TMEM156: variants seen among roughly 807,000 people sequenced by gnomAD.
TMEM156 encodes transmembrane protein 156.
Under a neutral mutation model 30.5 loss-of-function variants are expected in TMEM156, and 28 were observed. That is an observed-to-expected ratio of 0.92 (90% CI 0.68 to 1.26). The LOEUF (loss-of-function observed/expected upper bound fraction) is 1.26. Ranked by LOEUF, TMEM156 falls within the 50% of genes most tolerant of loss-of-function variation. The pLI, the probability that TMEM156 is intolerant of heterozygous loss-of-function variation, is 0.00. For missense variants in TMEM156, 351 were observed against 340.6 expected, an observed-to-expected ratio of 1.03 and a Z score of -0.24; for synonymous variants, 137 against 119.9, an observed-to-expected ratio of 1.14 and a Z score of -0.93.
intron 1 of TMEM156, among the ~76,000 whole-genome samples, chr4:39,004,427 G>A (rs972664713): frequency 4.6e-5 from 7 of 151,934 alleles, no homozygotes; most frequent in African/African-American, 2.4e-5. Flanking sequence ...AATGTATTGT[G>A]CCAGTTAAAT....
chr4:38,989,765 C>T (rs1712281543), intron 3 of TMEM156, among the ~76,000 whole-genome samples: 1 of 151,176 alleles, frequency 6.6e-6, no homozygotes, highest in Admixed American at 6.6e-5. Flanking sequence ...TCTACTGACT[C>T]ATTTTTTATT....
At chr4:38,989,079 G>C in intron 3 of TMEM156, 109 bp from the exon 4 acceptor site, 1 of 1,121,216 alleles carries the variant, frequency 8.9e-7, no homozygotes, top group Non-Finnish European at 1.3e-6. Context: ...GAATTGAAAA[G>C]CTGAAATTAT....
chr4:39,009,121 T>G (rs1713937624), intron 1 of TMEM156, among the ~76,000 whole-genome samples: 1 of 151,974 alleles, frequency 6.6e-6, no homozygotes, highest in South Asian at 2.1e-4. Flanking sequence ...GACTACTATC[T>G]CTGCATACAA....
chr4:38,988,514 G>A lies in TMEM156; in HGVS notation c.739+337C>T, dbSNP rs138034523. 4.2e-3 allele frequency among the ~76,000 whole-genome samples: 640 copies of A among 152,314 alleles called. 6 individuals carry two copies. Among genetic ancestry groups the A allele is most frequent in the African/African-American group, 0.014 (601 of 41,572 alleles). ...CCCAAGGTGCTGGGATTACAGGCAT[G>A]AGTCACCGCGCTCGGCCTGAAATTC... is the stretch of plus-strand genomic sequence containing the variant. On this transcript the variant is annotated intron_variant, in intron 4 of 6. Coordinates refer to ENST00000381938, the MANE Select transcript of TMEM156 (RefSeq NM_024943.3).
In TMEM156 at chr4:39,015,756, T is replaced by A. The variant is rs1053902231; in HGVS notation, c.88+16470A>T. Among the ~76,000 whole-genome samples the A allele has an allele frequency of 2.6e-5, 4 of 152,160 alleles. No individual in the cohort carries two copies. In the South Asian group the frequency reaches 6.2e-4, roughly 24 times the overall value. ...TAGCTCTCATAACTCCCTCATGTTG[T>A]GGGAGGGACCCAGTGGGAGATAATT... On this transcript the variant is annotated intron_variant, in intron 1 of 6. Coordinates refer to ENST00000381938, the MANE Select transcript of TMEM156 (RefSeq NM_024943.3).
At chr4:39,023,251 CTGT>C (rs1714985884) in intron 1 of TMEM156, among the ~76,000 whole-genome samples, 2 of 152,212 alleles carry the variant, frequency 1.3e-5, no homozygotes, top group Admixed American at 1.3e-4. Flanking sequence ...ACTGTGAAGG[CTGT>C]TGTTTACAAG....
Position 38,990,830 on chromosome 4 carries a change from G to GTTTTTTTTT in TMEM156, c.620-1869_620-1861dup, listed in dbSNP as rs71304784. 1.6e-4 allele frequency among the ~76,000 whole-genome samples: 13 copies of GTTTTTTTTT among 81,226 alleles called. 1 individual carries two copies. The highest frequency in any genetic ancestry group is 1.8e-4 in the African/African-American group (4 of 21,652). The allele number at this position is 81,226 out of a possible 152,430, so 53.3% of individuals were successfully genotyped here. On this transcript the variant is annotated intron_variant, in intron 3 of 6. Transcript: ENST00000381938. ...CTTTGTTTTTTTGGTTTGTTTTCTGGTTTTTTTTTTTTTTTTTTTTTTTGA... is the reference window on the plus strand; with the variant it reads ...CTTTGTTTTTTTGGTTTGTTTTCTGGTTTTTTTTTTTTTTTTTTTTTTTTTTTTTTTTGA...
intron 5 of TMEM156, among the ~76,000 whole-genome samples, chr4:38,973,149 A>T (rs1722690609): frequency 6.6e-6 from 1 of 152,202 alleles, no homozygotes; most frequent in South Asian, 2.1e-4. Context: ...TCCCAATACC[A>T]GTCAGTTTGT....
chr4:39,032,298 G>T lies in TMEM156; in HGVS notation c.16C>A (p.Leu6Ile), dbSNP rs768010165. Reference sequence around the variant, plus strand: ...ACTATTGCCACAAATAATTTAAGGAGGGCTGTTTTTGTCATGTCTCTTCAC... The same window carrying T: ...ACTATTGCCACAAATAATTTAAGGATGGCTGTTTTTGTCATGTCTCTTCAC... The part of the protein sequence containing the change: MTKTA[L>I]LKLFVAIVIT... The change falls in exon 1 of 7, where the codon CTC (leucine) becomes ATC (isoleucine). Residue 6 changes from leucine (L) to isoleucine (I), a missense_variant. Leu to Ile is a conservative substitution (Grantham distance 5). Transcript: ENST00000381938. 121 of 1,608,584 alleles carry T rather than the reference G, an allele frequency of 7.5e-5. 2 individuals are homozygous for T. The South Asian group carries it at 9.9e-4, about 13-fold the overall frequency.
intron 1 of TMEM156, among the ~76,000 whole-genome samples, chr4:39,002,204 C>T (rs2109990997): frequency 6.7e-6 from 1 of 149,598 alleles, no homozygotes; most frequent in East Asian, 2.0e-4. Context: ...ACAAACAACC[C>T]CATCAAAAAG....
At chr4:38,987,673 A>T (rs1181750178) in intron 4 of TMEM156, among the ~76,000 whole-genome samples, 1 of 152,222 alleles carries the variant, frequency 6.6e-6, no homozygotes, top group Non-Finnish European at 1.5e-5. Context: ...TATGCACTAG[A>T]CACTGTGGTA....
intron 1 of TMEM156, among the ~76,000 whole-genome samples, chr4:39,004,623 A>G (rs546534686): frequency 6.6e-6 from 1 of 152,246 alleles, no homozygotes; most frequent in Admixed American, 6.5e-5. Context: ...TGTTTTAGTC[A>G]TGTTGATACA....
intron 5 of TMEM156, among the ~76,000 whole-genome samples, chr4:38,971,878 C>T (rs1321573767): frequency 1.3e-5 from 2 of 152,072 alleles, no homozygotes; most frequent in South Asian, 4.1e-4. Flanking sequence ...CAACCTCTGC[C>T]TCCCGGGTTC....
intron 5 of TMEM156, among the ~76,000 whole-genome samples, chr4:38,977,058 A>G (rs1260339036): frequency 6.6e-6 from 1 of 152,076 alleles, no homozygotes; most frequent in African/African-American, 2.4e-5. Flanking sequence ...AGCGTGCACC[A>G]CCACACCGGC....
rs946063733 is a variant in TMEM156, at chr4:39,032,266, T to C, written c.48A>G (p.Thr16=). The C allele has an allele frequency of 1.2e-6, 2 of 1,610,170 alleles. No homozygotes were observed. Among genetic ancestry groups the C allele is most frequent in the African/African-American group, 2.7e-5 (2 of 74,848 alleles). Residue 16 remains threonine, a synonymous_variant, in exon 1 of 7, where the codon ACA becomes ACG. Transcript: ENST00000381938. ...LLKLFVAIVI[T]FILILPEYFK... is the part of the protein sequence containing the mutation. ...AATATTCCGGCAAAATTAAAATGAA[T>C]GTGATCACTATTGCCACAAATAATT... is the stretch of plus-strand genomic sequence containing the variant.
At chr4:39,003,998 T>C (rs1354340023) in intron 1 of TMEM156, among the ~76,000 whole-genome samples, 1 of 152,190 alleles carries the variant, frequency 6.6e-6, no homozygotes, top group Non-Finnish European at 1.5e-5. Flanking sequence ...ACCTCAGCTT[T>C]AAATAATTGA....
At chr4:38,991,273 G>C (rs1227450049) in intron 3 of TMEM156, among the ~76,000 whole-genome samples, 1 of 149,236 alleles carries the variant, frequency 6.7e-6, no homozygotes, top group East Asian at 2.0e-4. Flanking sequence ...ACCCAGGCTG[G>C]AGTGCAGTGG....
At chr4:38,972,963 G>T (rs530214581) in intron 5 of TMEM156, among the ~76,000 whole-genome samples, 1 of 152,082 alleles carries the variant, frequency 6.6e-6, no homozygotes, top group South Asian at 2.1e-4. Context: ...TCTGAGTTTT[G>T]TGTCATGATT....
chr4:38,987,142 T>A (rs1712067637), intron 4 of TMEM156, among the ~76,000 whole-genome samples: 1 of 152,320 alleles, frequency 6.6e-6, no homozygotes, highest in African/African-American at 2.4e-5. Flanking sequence ...GCTTTTCATA[T>A]GGGAAAATGG....
Sources: allele counts gnomAD v4.1 joint callset (sites outside exome capture counted in the v4.1 genomes callset), GRCh38; gene constraint gnomAD v4.1.1; transcripts MANE v1.5; gene names NCBI Gene and HGNC (gene_info 2026-07-23, HGNC 2026-07-21).